The following PDIA5 variants were observed in gnomAD, a reference collection of about 807,000 sequenced individuals.
PDIA5 encodes protein disulfide isomerase family A member 5.
In PDIA5, 58 loss-of-function variants were observed where a neutral mutation model predicts 77.6. The ratio of observed to expected loss-of-function variants is 0.75; its 90% CI spans 0.61 to 0.93. The LOEUF is 0.93. PDIA5 is among the 40% of genes least tolerant of loss of function. The pLI is 0.00. For missense variants in PDIA5, 630 were observed against 647.7 expected (o/e 0.97, Z 0.30); for synonymous variants, 250 against 252.1 (o/e 0.99, Z 0.08).
At chr3:123,083,154 G>C (rs1170502360) in intron 1 of PDIA5, among the ~76,000 whole-genome samples, 1 of 136,052 alleles carries the variant, frequency 7.4e-6, no homozygotes, top group Non-Finnish European at 1.5e-5. Context: ...GTTGGGCTCT[G>C]AAGAGAGCCT....
chr3:123,073,491 T>A (rs1933778923), intron 1 of PDIA5, among the ~76,000 whole-genome samples: 1 of 152,196 alleles, frequency 6.6e-6, no homozygotes, highest in Non-Finnish European at 1.5e-5. Flanking sequence ...GCTGACTGTA[T>A]CCTTCCCCCA....
intron 15 of PDIA5, among the ~76,000 whole-genome samples, chr3:123,158,177 A>G (rs1936064007): frequency 6.6e-6 from 1 of 152,254 alleles, no homozygotes; most frequent in African/African-American, 2.4e-5. Context: ...ACAATATAAC[A>G]TATTTGATAT....
intron 1 of PDIA5, among the ~76,000 whole-genome samples, chr3:123,077,073 C>G (rs1304680459): frequency 6.6e-6 from 1 of 152,142 alleles, no homozygotes; most frequent in Non-Finnish European, 1.5e-5. Context: ...TGCAGCTGGA[C>G]TTGTATTTAC....
intron 11 of PDIA5, among the ~76,000 whole-genome samples, chr3:123,131,510 G>T (rs554996961): frequency 6.7e-6 from 1 of 150,364 alleles, no homozygotes; most frequent in Non-Finnish European, 1.5e-5. Context: ...CCTTACAAGT[G>T]GTCGCGGGCT....
At chr3:123,127,504 G>C (rs1935268894) in intron 10 of PDIA5, among the ~76,000 whole-genome samples, 1 of 152,198 alleles carries the variant, frequency 6.6e-6, no homozygotes, top group South Asian at 2.1e-4. Context: ...GTGAAGAAAG[G>C]ACCACAATGC....
At chr3:123,129,467 C>G (rs78005109) in intron 10 of PDIA5, among the ~76,000 whole-genome samples, 1 of 152,196 alleles carries the variant, frequency 6.6e-6, no homozygotes, top group Admixed American at 6.5e-5. Context: ...CACTTCACTC[C>G]CTCTGGATTT....
chr3:123,120,369 C>G (rs1935083461), intron 8 of PDIA5, among the ~76,000 whole-genome samples: 1 of 152,158 alleles, frequency 6.6e-6, no homozygotes, highest in Non-Finnish European at 1.5e-5. Context: ...CCTGCCCACA[C>G]TGGGTTGTGG....
intron 14 of PDIA5, among the ~76,000 whole-genome samples, chr3:123,153,029 C>CTCTTGGAA (rs1289654008): frequency 1.3e-5 from 2 of 151,908 alleles, no homozygotes; most frequent in African/African-American, 2.4e-5. Flanking sequence ...CTCCTGACAC[C>CTCTTGGAA]TCTTGGAAGC....
intron 8 of PDIA5, among the ~76,000 whole-genome samples, chr3:123,119,438 C>G (rs1468232035): frequency 2.0e-5 from 3 of 152,136 alleles, no homozygotes; most frequent in Non-Finnish European, 2.9e-5. Flanking sequence ...AAACTCATTT[C>G]TTTGTTTGTA....
chr3:123,150,158 C>A, intron 13 of PDIA5, 76 bp from the exon 14 acceptor site: 3 of 1,031,126 alleles, frequency 2.9e-6, no homozygotes, highest in Non-Finnish European at 1.5e-6. Context: ...GTGGTTGGGA[C>A]ATTGAGGGTG....
In PDIA5 at chr3:123,155,037, G is replaced by A. The variant is rs754657931; in HGVS notation, c.1340G>A (p.Arg447Gln). 3.7e-6 allele frequency: 6 copies of A among 1,603,154 alleles called. No homozygotes were observed. The Admixed American group carries it at 5.0e-5, about 13-fold the overall frequency. ...TATADAFKDD[R>Q]KIACAAVDCV... is the part of the protein sequence containing the mutation. ...ACTGCTGATGCCTTCAAAGATGACC[G>A]AAAGGTAAGGACAGCGCTCTTCATC... The change falls in exon 15 of 17, where the codon CGA becomes CAA. Residue 447 changes from arginine (R) to glutamine (Q), a missense_variant. Transcript: ENST00000316218.
At chr3:123,086,950 C>T (rs1054517534) in intron 1 of PDIA5, among the ~76,000 whole-genome samples, 11 of 152,178 alleles carry the variant, frequency 7.2e-5, no homozygotes, top group Non-Finnish European at 1.5e-4. Flanking sequence ...GAAGCCAATG[C>T]TTGATTGTCT....
chr3:123,150,151 G>A lies in PDIA5; in HGVS notation c.1143-83G>A, dbSNP rs562529532. 5.3e-6 allele frequency: 5 copies of A among 946,438 alleles called. No individual in the cohort carries two copies. In the East Asian group the frequency reaches 1.2e-4, roughly 23 times the overall value. The allele number at this position is 946,438 out of a possible 1,614,324, so 58.6% of individuals were successfully genotyped here. ...TTCTTCATGCATGTTCCCCCGAGTG[G>A]TTGGGACATTGAGGGTGGATTTCCT... On this transcript the variant is annotated intron_variant, in intron 13 of 16. Transcript: ENST00000316218.
chr3:123,103,921 T>C (rs1934666177), intron 5 of PDIA5, among the ~76,000 whole-genome samples: 1 of 152,216 alleles, frequency 6.6e-6, no homozygotes, highest in Non-Finnish European at 1.5e-5. Flanking sequence ...GAAAGAGGGC[T>C]GGAGTTTTGT....
chr3:123,100,629 G>T (rs1018632407), intron 3 of PDIA5, among the ~76,000 whole-genome samples: 5 of 152,226 alleles, frequency 3.3e-5, no homozygotes, highest in Non-Finnish European at 7.3e-5. Context: ...CCTGGGCCTG[G>T]GGGTGGAAGG....
chr3:123,160,635 A>C (rs536726017), intron 15 of PDIA5, among the ~76,000 whole-genome samples: 1 of 152,328 alleles, frequency 6.6e-6, no homozygotes, highest in Admixed American at 6.5e-5. Flanking sequence ...CTGAGCCCCT[A>C]AGTGGGGACA....
chr3:123,120,309 C>T (rs1463358068), intron 8 of PDIA5, among the ~76,000 whole-genome samples: 2 of 152,162 alleles, frequency 1.3e-5, no homozygotes, highest in African/African-American at 2.4e-5. Context: ...AGCTCCTTAG[C>T]CTTGGAGCCT....
chr3:123,146,800 T>G (rs1360761538), intron 13 of PDIA5, among the ~76,000 whole-genome samples: 1 of 150,114 alleles, frequency 6.7e-6, no homozygotes, highest in Non-Finnish European at 1.5e-5. Flanking sequence ...AACAGAAGTT[T>G]ATTTTCTTAC....
At chr3:123,106,133 G>A (rs1934725034) in intron 5 of PDIA5, among the ~76,000 whole-genome samples, 1 of 152,240 alleles carries the variant, frequency 6.6e-6, no homozygotes, top group African/African-American at 2.4e-5. Flanking sequence ...ACAAGGGTGA[G>A]GCCACATTGG....
Sources: allele counts gnomAD v4.1 joint callset (sites outside exome capture counted in the v4.1 genomes callset), GRCh38; gene constraint gnomAD v4.1.1; transcripts MANE v1.5; gene names NCBI Gene and HGNC (gene_info 2026-07-23, HGNC 2026-07-21).